The following MGAT5 variants were observed in gnomAD, a reference collection of about 807,000 sequenced individuals.
MGAT5 encodes the protein alpha-1,6-mannosylglycoprotein 6-beta-N-acetylglucosaminyltransferase, also known as alpha-1,6-mannosylglycoprotein 6-beta-N-acetylglucosaminyltransferase A.
MGAT5 carries 30 observed loss-of-function variants against 94.3 expected under a neutral mutation model. That is an observed-to-expected ratio of 0.32 (90% confidence interval 0.24 to 0.43). MGAT5 has a LOEUF of 0.43. Ranked by LOEUF, MGAT5 falls within the 20% of genes least tolerant of loss-of-function variation. The pLI is 1.00. For missense variants in MGAT5, 691 were observed against 905.5 expected, an observed-to-expected ratio of 0.76 and a Z score of 3.04; for synonymous variants, 310 against 322.9, an observed-to-expected ratio of 0.96 and a Z score of 0.43.
In MGAT5 at chr2:134,344,939, G is replaced by A. The variant is rs767096138; in HGVS notation, c.987G>A (p.Lys329=). ...TTTGCCGTTTCTCTAGAATCATGAA[G>A]AAGGTTGTAGGAAACCGATCTGGCT... ...ASLAELKEIM[K]KVVGNRSGCP... Residue 329 remains lysine (K), a synonymous_variant, in exon 8 of 16, where the codon AAG becomes AAA. Coordinates refer to ENST00000281923, the MANE Select transcript of MGAT5 (RefSeq NM_002410.5). 6.2e-7 allele frequency: 1 copy of A among 1,612,892 alleles called. No individual in the cohort carries two copies. Among genetic ancestry groups the A allele is most frequent in the Non-Finnish European group, 8.5e-7 (1 of 1,179,336 alleles).
chr2:134,354,558 G>A (rs1051227216), intron 9 of MGAT5, among the ~76,000 whole-genome samples: 7 of 152,154 alleles, frequency 4.6e-5, no homozygotes, highest in Admixed American at 2.6e-4. Context: ...CCTCTAACTC[G>A]TTTCCTAAGT....
At chr2:134,437,119 G>C (rs1168680025) in intron 14 of MGAT5, among the ~76,000 whole-genome samples, 1 of 152,156 alleles carries the variant, frequency 6.6e-6, no homozygotes, top group Non-Finnish European at 1.5e-5. Context: ...CTCCTGGGTA[G>C]CTGGGATTAC....
intron 1 of MGAT5, among the ~76,000 whole-genome samples, chr2:134,175,651 C>T (rs1205856691): frequency 6.6e-6 from 1 of 152,190 alleles, no homozygotes; most frequent in African/African-American, 2.4e-5. Flanking sequence ...TTCAGTGGGT[C>T]CCACTTGGCG....
intron 2 of MGAT5, among the ~76,000 whole-genome samples, chr2:134,314,780 G>A (rs559728402): frequency 6.0e-4 from 91 of 152,168 alleles, no homozygotes; most frequent in Non-Finnish European, 1.1e-3. Context: ...AGGAAGGCCC[G>A]CAGGGAGCCT....
intron 1 of MGAT5, among the ~76,000 whole-genome samples, chr2:134,154,886 C>T (rs574612274): frequency 6.6e-6 from 1 of 152,274 alleles, no homozygotes; most frequent in Non-Finnish European, 1.5e-5. Context: ...TTCTTGAGGG[C>T]ACCACCGTGA....
chr2:134,154,573 G>T (rs1558960394), intron 1 of MGAT5, among the ~76,000 whole-genome samples: 1 of 152,188 alleles, frequency 6.6e-6, no homozygotes, highest in Non-Finnish European at 1.5e-5. Context: ...TTCTCAGGCT[G>T]TGTAAGCTGG....
At chr2:134,146,011 T>G (rs1002708999) in intron 1 of MGAT5, among the ~76,000 whole-genome samples, 6 of 152,204 alleles carry the variant, frequency 3.9e-5, no homozygotes, top group Non-Finnish European at 7.3e-5. Context: ...CCTGGTCTTT[T>G]CTCTGTGATC....
chr2:134,273,203 A>G (rs1299209755), intron 2 of MGAT5, among the ~76,000 whole-genome samples: 2 of 152,178 alleles, frequency 1.3e-5, no homozygotes, highest in Non-Finnish European at 2.9e-5. Context: ...TCTATAGAGT[A>G]CCAGAAAGAA....
intron 1 of MGAT5, among the ~76,000 whole-genome samples, chr2:134,148,759 G>GTTTTTTTT (rs748584511): frequency 8.4e-6 from 1 of 118,726 alleles, no homozygotes; most frequent in African/African-American, 3.3e-5. Flanking sequence ...TCTTTCTTAG[G>GTTTTTTTT]TTTTTTTTTT....
At chr2:134,129,274 G>A (rs779357453) in intron 1 of MGAT5, among the ~76,000 whole-genome samples, 1 of 152,134 alleles carries the variant, frequency 6.6e-6, no homozygotes, top group African/African-American at 2.4e-5. Context: ...TTGTCTCTCT[G>A]CCATCACACT....
chr2:134,192,948 G>A (rs981471720), intron 1 of MGAT5, among the ~76,000 whole-genome samples: 1 of 151,792 alleles, frequency 6.6e-6, no homozygotes, highest in African/African-American at 2.4e-5. Context: ...CCATCTGTAG[G>A]GAGTGGAATG....
chr2:134,222,924 C>G (rs1264443428), intron 1 of MGAT5, among the ~76,000 whole-genome samples: 1 of 152,112 alleles, frequency 6.6e-6, no homozygotes, highest in Admixed American at 6.5e-5. Flanking sequence ...AGCTTGGTTT[C>G]TGTTAGACTT....
At chr2:134,287,753 T>C (rs1685099496) in intron 2 of MGAT5, among the ~76,000 whole-genome samples, 1 of 152,216 alleles carries the variant, frequency 6.6e-6, no homozygotes. Flanking sequence ...TCTAGAGCCT[T>C]TTTTGTTCAA....
In MGAT5 at chr2:134,281,507, A is replaced by G. The variant is rs142754800; in HGVS notation, c.406+10957A>G. Among the ~76,000 whole-genome samples, 876 of 152,280 alleles carry G rather than the reference A, an allele frequency of 5.8e-3. 3 individuals are homozygous for G. Among genetic ancestry groups the G allele is most frequent in the Non-Finnish European group, 7.5e-3 (512 of 68,012 alleles). ...CATTCACCCTAGTCCAAGAAAACCT[A>G]TTGGCTTTGCCTGACCTTTTGGCCT... On this transcript the variant is annotated intron_variant, in intron 2 of 15. Transcript: ENST00000281923.
chr2:134,260,695 TCTTTTTC>T, intron 1 of MGAT5, among the ~76,000 whole-genome samples: 1 of 144,032 alleles, frequency 6.9e-6, no homozygotes, highest in Admixed American at 7.0e-5. Context: ...GTTTCTTTTT[TCTTTTTC>T]TTTTTTTTTT....
intron 1 of MGAT5, among the ~76,000 whole-genome samples, chr2:134,147,753 G>A: frequency 6.6e-6 from 1 of 152,214 alleles, no homozygotes; most frequent in East Asian, 1.9e-4. Flanking sequence ...CTATGACTGT[G>A]TTCACTGATG....
intron 1 of MGAT5, among the ~76,000 whole-genome samples, chr2:134,265,261 C>CTGA (rs1275308070): frequency 6.6e-6 from 1 of 152,178 alleles, no homozygotes; most frequent in African/African-American, 2.4e-5. Context: ...ACAGCATTAG[C>CTGA]TGATAGATCT....
chr2:134,321,680 CTCT>C lies in MGAT5; in HGVS notation c.573+2946_573+2948del, dbSNP rs148997696. Among the ~76,000 whole-genome samples, 658 of 152,332 alleles carry C rather than the reference CTCT, an allele frequency of 4.3e-3. 3 individuals are homozygous for C. The highest frequency in any genetic ancestry group is 7.3e-3 in the Non-Finnish European group (494 of 68,022). ...ATACGCTTCATTAGCTCATACCACT[CTCT>C]TCTTATGCAGATATCGGGTGGTCTT... On this transcript the variant is annotated intron_variant, in intron 4 of 15. Coordinates refer to ENST00000281923, the MANE Select transcript of MGAT5 (RefSeq NM_002410.5).
intron 14 of MGAT5, among the ~76,000 whole-genome samples, chr2:134,433,548 G>C (rs1292636109): frequency 2.6e-5 from 4 of 152,104 alleles, no homozygotes; most frequent in African/African-American, 9.7e-5. Flanking sequence ...TGTTTCTTTT[G>C]TGGAAACAAA....
Sources: allele counts gnomAD v4.1 joint callset (sites outside exome capture counted in the v4.1 genomes callset), GRCh38; gene constraint gnomAD v4.1.1; transcripts MANE v1.5; gene names NCBI Gene and HGNC (gene_info 2026-07-23, HGNC 2026-07-21).